FBXL2: variants seen among roughly 807,000 people sequenced by gnomAD.
The protein encoded by FBXL2 is F-box/LRR-repeat protein 2.
A neutral mutation model predicts 69.2 loss-of-function variants in FBXL2; 38 were observed. The ratio of observed to expected loss-of-function variants is 0.55; its 90% confidence interval spans 0.42 to 0.72. The LOEUF (loss-of-function observed/expected upper bound fraction) is 0.72, where lower values mean the gene tolerates loss of function less well. Among genes scored for constraint, FBXL2 ranks in the 30% least tolerant of loss-of-function variants. The probability of loss-of-function intolerance (pLI) is 0.00; values close to 1 mark genes in which losing one functional copy is unlikely to be tolerated. For missense variants in FBXL2, 354 were observed against 520.3 expected, an observed-to-expected ratio of 0.68 and a Z score of 3.11; for synonymous variants, 192 against 201.3, an observed-to-expected ratio of 0.95 and a Z score of 0.39.
chr3:33,286,717 CT>C (rs1177424852), intron 1 of FBXL2, among the ~76,000 whole-genome samples: 1 of 152,200 alleles, frequency 6.6e-6, no homozygotes, highest in African/African-American at 2.4e-5. Context: ...CTTTGTTTAC[CT>C]ACTCAAGCCT....
intron 2 of FBXL2, among the ~76,000 whole-genome samples, chr3:33,323,956 T>G (rs769846558): frequency 1.3e-5 from 2 of 152,224 alleles, no homozygotes; most frequent in Non-Finnish European, 2.9e-5. Context: ...CTCCACATCC[T>G]CTCCAGCATC....
At chr3:33,383,937 G>A in intron 13 of FBXL2, 52 bp from the exon 14 acceptor site, 1 of 1,573,564 alleles carries the variant, frequency 6.4e-7, no homozygotes, top group South Asian at 1.1e-5. Context: ...TTTAGGACTT[G>A]AGCCTTGGAA....
At chr3:33,397,315 G>A in intron 12 of FBXL2, 1 of 476,512 alleles carries the variant, frequency 2.1e-6, no homozygotes, top group Non-Finnish European at 3.6e-6. Context: ...CAAGGAAAAT[G>A]CTGGCTTTTC....
At chr3:33,339,146 G>T (rs1434470086) in intron 2 of FBXL2, among the ~76,000 whole-genome samples, 2 of 152,150 alleles carry the variant, frequency 1.3e-5, no homozygotes, top group Non-Finnish European at 2.9e-5. Flanking sequence ...TTCAAAAGAA[G>T]ACATACATGT....
At chr3:33,406,257 A>C (rs992308131), downstream of FBXL2, among the ~76,000 whole-genome samples, 1 of 152,186 alleles carries the variant, frequency 6.6e-6, no homozygotes, top group African/African-American at 2.4e-5. Context: ...AAATAAATAA[A>C]TAACTAAAAA....
intron 2 of FBXL2, among the ~76,000 whole-genome samples, chr3:33,334,104 A>T (rs2039379308): frequency 6.6e-6 from 1 of 152,196 alleles, no homozygotes; most frequent in Non-Finnish European, 1.5e-5. Flanking sequence ...ACAAGCCAAA[A>T]TAAAATTATA....
intron 2 of FBXL2, among the ~76,000 whole-genome samples, chr3:33,344,529 G>A (rs2040294387): frequency 6.6e-6 from 1 of 152,066 alleles, no homozygotes; most frequent in Admixed American, 6.6e-5. Context: ...GTATAGGATT[G>A]AGATAAAATC....
At chr3:33,379,413 G>A (rs1164389340) in intron 13 of FBXL2, among the ~76,000 whole-genome samples, 3 of 152,042 alleles carry the variant, frequency 2.0e-5, no homozygotes, top group African/African-American at 7.2e-5. Context: ...GGACTGCAGT[G>A]GCGCGACCTC....
intron 2 of FBXL2, among the ~76,000 whole-genome samples, chr3:33,345,032 T>TCAA (rs1202135558): frequency 6.6e-6 from 1 of 152,228 alleles, no homozygotes; most frequent in Non-Finnish European, 1.5e-5. Context: ...ACAATGAAAG[T>TCAA]CTTATGTTAA....
At chr3:33,328,562 A>G (rs1373341547) in intron 2 of FBXL2, among the ~76,000 whole-genome samples, 1 of 152,178 alleles carries the variant, frequency 6.6e-6, no homozygotes, top group Non-Finnish European at 1.5e-5. Context: ...CAGCCAACTC[A>G]TTTTTGACAA....
At chr3:33,281,674 G>C (rs1446768377) in intron 1 of FBXL2, among the ~76,000 whole-genome samples, 1 of 152,130 alleles carries the variant, frequency 6.6e-6, no homozygotes, top group East Asian at 1.9e-4. Flanking sequence ...GTGTAAAAGT[G>C]TTCCTATTTC....
chr3:33,418,191 T>C, the FBXL2 span, among the ~76,000 whole-genome samples: 27,582 of 152,118 alleles, frequency 0.18, 3,177 homozygotes, highest in East Asian at 0.47. Flanking sequence ...CACAAGAATT[T>C]AGGAAATAAA....
intron 1 of FBXL2, among the ~76,000 whole-genome samples, chr3:33,281,353 G>T (rs1032185099): frequency 1.2e-4 from 18 of 152,286 alleles, no homozygotes; most frequent in African/African-American, 4.3e-4. Context: ...CTTCATCCAT[G>T]TCCTTGCAAA....
At chr3:33,388,171 T>C (rs2043589471), downstream of FBXL2, 1 of 151,692 alleles carries the variant, frequency 6.6e-6, no homozygotes, top group African/African-American at 2.4e-5. Context: ...AATAACAACA[T>C]ATCCTCAGTT....
At chr3:33,408,590 C>G, downstream of FBXL2, 1 of 912,908 alleles carries the variant, frequency 1.1e-6, no homozygotes, top group South Asian at 2.0e-5. Flanking sequence ...ACATGGACAT[C>G]AAAAACAATT....
rs2043396764 is a variant in FBXL2 at position 33,385,849 on chromosome 3, C to T, written c.*241C>T. 1.9e-6 allele frequency: 1 copy of T among 526,592 alleles called. No homozygotes were observed. Among genetic ancestry groups the T allele is most frequent in the Non-Finnish European group, 3.4e-6 (1 of 293,334 alleles). 32.6% of individuals were successfully genotyped at this position (526,592 alleles called of 1,614,324 possible). A position where few individuals can be genotyped will look rare whatever the true frequency, so the allele number is the denominator to read the frequency against. On this transcript the variant is annotated 3_prime_UTR_variant, in exon 15 of 15. Coordinates refer to ENST00000484457, the MANE Select transcript of FBXL2 (RefSeq NM_012157.5). Reference sequence around the variant, plus strand: ...CACATGACAAGTGGTCTCAATGCAGCTAGGACCATGCCAGAAACCTGGATC... The same window carrying T: ...CACATGACAAGTGGTCTCAATGCAGTTAGGACCATGCCAGAAACCTGGATC...
intron 2 of FBXL2, among the ~76,000 whole-genome samples, chr3:33,324,439 T>G (rs143315565): frequency 0.014 from 2,182 of 152,312 alleles, 53 homozygotes; most frequent in African/African-American, 0.05. Context: ...GTTTTAGGTC[T>G]TACCTTTAAG....
chr3:33,307,874 A>T lies in FBXL2; in HGVS notation c.65+10149A>T, dbSNP rs1343410230. On this transcript the variant is annotated intron_variant, in intron 2 of 14. Coordinates refer to ENST00000484457, the MANE Select transcript of FBXL2 (RefSeq NM_012157.5). ...GGTTTCTCATCCTCTGAAGGTGACC[A>T]CATAGATTTTTTTAAAAAGTTATAA... Among the ~76,000 whole-genome samples the T allele has an allele frequency of 2.0e-5, 3 of 152,192 alleles. No homozygotes were observed. In the East Asian group the frequency reaches 5.8e-4, roughly 29 times the overall value.
chr3:33,402,010 G>C (rs1296886659), intron 12 of FBXL2, among the ~76,000 whole-genome samples: 1 of 152,140 alleles, frequency 6.6e-6, no homozygotes, highest in African/African-American at 2.4e-5. Flanking sequence ...TCTCCTCAGG[G>C]GGAGAGCACA....
Sources: allele counts gnomAD v4.1 joint callset (sites outside exome capture counted in the v4.1 genomes callset), GRCh38; gene constraint gnomAD v4.1.1; transcripts MANE v1.5; gene names NCBI Gene and HGNC (gene_info 2026-07-23, HGNC 2026-07-21).